Variants in ST3GAL6 observed in about 807,000 individuals in gnomAD.
ST3GAL6 encodes type 2 lactosamine alpha-2,3-sialyltransferase.
Under a neutral mutation model 40.5 loss-of-function variants are expected in ST3GAL6, and 31 were observed. The ratio of observed to expected loss-of-function variants is 0.77; its 90% confidence interval spans 0.58 to 1.03. ST3GAL6 has a LOEUF of 1.03. ST3GAL6 is among the 50% of genes least tolerant of loss of function. The pLI, the probability that ST3GAL6 is intolerant of heterozygous loss-of-function variation, is 0.00. For missense variants in ST3GAL6, 357 were observed against 393.2 expected (o/e 0.91, Z 0.78); for synonymous variants, 129 against 136.9 (o/e 0.94, Z 0.40).
intron 6 of ST3GAL6, 47 bp from the exon 7 acceptor site, chr3:98,787,989 A>C: frequency 1.3e-6 from 2 of 1,533,156 alleles, no homozygotes; most frequent in Non-Finnish European, 1.8e-6. Context: ...TGGGAATGGC[A>C]GATACTGCAC....
At position 98,783,458 on chromosome 3, in the gene ST3GAL6, C is replaced by G. The variant is rs1194071369; in HGVS notation, c.336-1487C>G. 4 of 694,472 alleles carry G rather than the reference C, an allele frequency of 5.8e-6. No individual in the cohort carries two copies. In the African/African-American group the frequency reaches 7.8e-5, roughly 13 times the overall value. 43.0% of individuals were successfully genotyped at this position (694,472 alleles called of 1,614,324 possible). On this transcript the variant is annotated intron_variant, in intron 5 of 9. Transcript: ENST00000483910. ...TCCCCTTGCCGGCAACACTGTGTAC[C>G]TTCCTCCCCTCAGTTCTTCTCTGCT... is the stretch of plus-strand genomic sequence containing the variant.
At chr3:98,776,070 C>T (rs1384034030) in intron 5 of ST3GAL6, among the ~76,000 whole-genome samples, 4 of 152,160 alleles carry the variant, frequency 2.6e-5, no homozygotes, top group East Asian at 3.9e-4. Context: ...CAAACCTTAT[C>T]GAGTATTTCA....
intron 1 of ST3GAL6, among the ~76,000 whole-genome samples, chr3:98,738,172 G>A (rs148781795): frequency 1.4e-5 from 2 of 144,168 alleles, no homozygotes; most frequent in East Asian, 4.1e-4. Context: ...GGAGACTTCT[G>A]TGAGTTTCCT....
intron 2 of ST3GAL6, among the ~76,000 whole-genome samples, chr3:98,770,188 T>C (rs1026642338): frequency 2.0e-5 from 3 of 152,216 alleles, no homozygotes; most frequent in Non-Finnish European, 4.4e-5. Context: ...TAATAAGTTT[T>C]TGTATTAAGC....
At chr3:98,782,219 C>G (rs1466515520) in intron 5 of ST3GAL6, 4 of 702,730 alleles carry the variant, frequency 5.7e-6, no homozygotes, top group Non-Finnish European at 1.0e-5. Context: ...ACAGAGAGCC[C>G]AGGACCATGA....
chr3:98,752,845 G>T (rs72932621), intron 1 of ST3GAL6, among the ~76,000 whole-genome samples: 129 of 152,296 alleles, frequency 8.5e-4, no homozygotes, highest in African/African-American at 3.1e-3. Flanking sequence ...GACAGTCAGC[G>T]TAATCTATAA....
At chr3:98,740,517 C>T (rs1226952948) in intron 1 of ST3GAL6, among the ~76,000 whole-genome samples, 1 of 152,044 alleles carries the variant, frequency 6.6e-6, no homozygotes, top group Non-Finnish European at 1.5e-5. Context: ...CAGTGCCATT[C>T]TCCTTCTCCT....
At chr3:98,755,713 C>T (rs148108379) in intron 1 of ST3GAL6, among the ~76,000 whole-genome samples, 2,181 of 152,096 alleles carry the variant, frequency 0.014, 27 homozygotes, top group Non-Finnish European at 0.021. Flanking sequence ...TTGTTTTTAA[C>T]GTCCTAAAGA....
chr3:98,767,967 T>C (rs944255848), intron 1 of ST3GAL6, among the ~76,000 whole-genome samples: 3 of 152,192 alleles, frequency 2.0e-5, no homozygotes, highest in African/African-American at 7.2e-5. Flanking sequence ...GTAAAAATTA[T>C]AATGTATAAC....
intron 1 of ST3GAL6, among the ~76,000 whole-genome samples, chr3:98,757,273 T>C (rs1280754529): frequency 6.6e-6 from 1 of 152,218 alleles, no homozygotes; most frequent in Non-Finnish European, 1.5e-5. Context: ...AACATTATGC[T>C]TTAGTAGTGC....
intron 6 of ST3GAL6, 21 bp downstream of exon 6, chr3:98,785,061 C>T (rs1940564020): frequency 6.7e-7 from 1 of 1,503,394 alleles, no homozygotes; most frequent in African/African-American, 1.4e-5. Flanking sequence ...TTTCTATTTG[C>T]TACCCTAGAA....
chr3:98,768,658 A>T (rs1471712134), intron 2 of ST3GAL6, 129 bp downstream of exon 2: 3 of 700,400 alleles, frequency 4.3e-6, no homozygotes, highest in Non-Finnish European at 7.3e-6. Context: ...TCCATTGTAA[A>T]TTGGGGTTTT....
At chr3:98,733,359 C>T in intron 1 of ST3GAL6, 2 of 1,079,622 alleles carry the variant, frequency 1.9e-6, no homozygotes, top group Non-Finnish European at 2.2e-6. Context: ...GCTCTGGGAC[C>T]CTCTTTTGTC....
At chr3:98,733,106 T>C in intron 1 of ST3GAL6, 1 of 1,341,970 alleles carries the variant, frequency 7.5e-7, no homozygotes, top group Non-Finnish European at 9.6e-7. Context: ...TTGCAGCCTC[T>C]GAGGCTCAGG....
chr3:98,763,734 A>T (rs989449970), intron 1 of ST3GAL6, among the ~76,000 whole-genome samples: 9 of 124,642 alleles, frequency 7.2e-5, no homozygotes, highest in Admixed American at 1.5e-4. Context: ...CCTAGTGACT[A>T]AAAAAAAAAA....
At chr3:98,737,973 G>A (rs1195107372) in intron 1 of ST3GAL6, among the ~76,000 whole-genome samples, 1 of 152,130 alleles carries the variant, frequency 6.6e-6, no homozygotes, top group Non-Finnish European at 1.5e-5. Context: ...GGGGCCTGAT[G>A]GGAGGTGATT....
At chr3:98,775,145 A>G (rs1939403150) in intron 5 of ST3GAL6, among the ~76,000 whole-genome samples, 1 of 152,126 alleles carries the variant, frequency 6.6e-6, no homozygotes, top group Non-Finnish European at 1.5e-5. Flanking sequence ...ATGTGAACCT[A>G]GATAGTTCAA....
chr3:98,756,714 A>G (rs1294091898), intron 1 of ST3GAL6, among the ~76,000 whole-genome samples: 1 of 152,158 alleles, frequency 6.6e-6, no homozygotes, highest in East Asian at 1.9e-4. Flanking sequence ...GGCCTATAAG[A>G]CTGCTAATGT....
Position 98,768,417 on chromosome 3 carries a change from C to A in ST3GAL6, c.-11-13C>A. On this transcript the variant is annotated splice_polypyrimidine_tract_variant and intron_variant, in intron 1 of 9. Coordinates refer to ENST00000483910, the MANE Select transcript of ST3GAL6 (RefSeq NM_001323368.2). ...CCTGGCCTTTGCTTTGGACTTCATT[C>A]CTTGTGTTTCAGGTGAGCCAGCCAT... 1 of 1,605,616 alleles carries A rather than the reference C, an allele frequency of 6.2e-7. No individual in the cohort carries two copies. The highest frequency in any genetic ancestry group is 8.5e-7 in the Non-Finnish European group (1 of 1,172,458).
Sources: allele counts gnomAD v4.1 joint callset (sites outside exome capture counted in the v4.1 genomes callset), GRCh38; gene constraint gnomAD v4.1.1; transcripts MANE v1.5; gene names NCBI Gene and HGNC (gene_info 2026-07-23, HGNC 2026-07-21).